Variants in KMT2A observed in about 807,000 individuals in gnomAD.
The protein encoded by KMT2A is histone-lysine N-methyltransferase 2A.
In KMT2A, 16 loss-of-function variants were observed where a neutral mutation model predicts 345.3. The ratio of observed to expected loss-of-function variants is 0.05; its 90% CI spans 0.03 to 0.07. The LOEUF is 0.07. Ranked by LOEUF, KMT2A falls within the 10% of genes least tolerant of loss-of-function variation. KMT2A has a pLI of 1.00. For synonymous variants in KMT2A, 1,599 were observed against 1,778.6 expected (o/e 0.90, Z 2.54); for missense variants, 3,272 against 4,841.6 (o/e 0.68, Z 9.62).
At position 118,525,459 on chromosome 11, in the gene KMT2A, A is replaced by G. The variant is rs1473118142; in HGVS notation, c.*3287A>G. On this transcript the variant is annotated 3_prime_UTR_variant, in exon 36 of 36. Transcript: ENST00000534358. ...ACAGCCCCTCTGTTTTTACACCAAT[A>G]ACAAGAATTAAGGGGGAAGCCCTGG... 8.8e-6 allele frequency: 2 copies of G among 227,498 alleles called. No homozygotes were observed. Among genetic ancestry groups the G allele is most frequent in the African/African-American group, 4.5e-5 (2 of 44,936 alleles). 14.1% of individuals were successfully genotyped at this position (227,498 alleles called of 1,614,324 possible).
rs782424796 is a variant in KMT2A, at chr11:118,501,819, C to A, written c.6467C>A (p.Thr2156Lys). Residue 2156 changes from threonine (T) to lysine (K), a missense_variant, in exon 26 of 36, where the codon ACA (threonine) becomes AAA (lysine). By Grantham distance (78) the Thr-to-Lys change is moderately conservative. Around this residue, in one of 27 missense-constraint regions of KMT2A, gnomAD observed 66 missense variants for 73.9 expected, o/e 0.89. Transcript: ENST00000534358. ...PRIRTPSYSP[T>K]QRSPGCRPLP... The stretch of plus-strand genomic sequence containing the variant: ...ATTCGAACACCCAGTTATTCTCCAA[C>A]ACAGAGATCCCCTGGCTGTCGACCG... 6.2e-7 allele frequency: 1 copy of A among 1,613,986 alleles called. No homozygotes were observed. The highest frequency in any genetic ancestry group is 1.1e-5 in the South Asian group (1 of 91,022).
chr11:118,455,081 G>A (rs782394137), intron 1 of KMT2A, among the ~76,000 whole-genome samples: 10 of 152,084 alleles, frequency 6.6e-5, no homozygotes, highest in Non-Finnish European at 1.2e-4. Context: ...AGGTTGGAGC[G>A]CAGTGGCTCA....
rs1555044460 is a variant in KMT2A at position 118,497,903 on chromosome 11, C to T, written c.5665-33C>T. ...GGAAAACCTCCTTTGGCATTATATT[C>T]TTTAGGAAAAAAGAAATCTCTTTAT... On this transcript the variant is annotated intron_variant, in intron 20 of 35. Coordinates refer to ENST00000534358, the MANE Select transcript of KMT2A (RefSeq NM_001197104.2). The surrounding 1 kb of genome is among the most constrained non-coding windows in gnomAD (Gnocchi z 4.8). 6.3e-7 allele frequency: 1 copy of T among 1,574,836 alleles called. No homozygotes were observed. The highest frequency in any genetic ancestry group is 1.1e-5 in the South Asian group (1 of 89,404).
intron 31 of KMT2A, among the ~76,000 whole-genome samples, chr11:118,517,730 T>C (rs1256516088): frequency 6.6e-6 from 1 of 151,996 alleles, no homozygotes; most frequent in East Asian, 2.0e-4. Flanking sequence ...TAGTCCCAGC[T>C]ACCTGGGAGG....
At chr11:118,477,441 T>C (rs1290003226) in intron 4 of KMT2A, among the ~76,000 whole-genome samples, 2 of 151,674 alleles carry the variant, frequency 1.3e-5, no homozygotes, top group Non-Finnish European at 2.9e-5. Context: ...CGATTTTAGA[T>C]TAGACTTTTG....
Position 118,523,650 on chromosome 11 carries a change from G to A in KMT2A, c.*1478G>A, listed in dbSNP as rs535515166. Reference sequence around the variant, plus strand: ...TGACAAGGCTATTTTTTAAACCGCGGTATTATCCTAATTTAAAAGAAGATC... The same window carrying A: ...TGACAAGGCTATTTTTTAAACCGCGATATTATCCTAATTTAAAAGAAGATC... On this transcript the variant is annotated 3_prime_UTR_variant, in exon 36 of 36. Transcript: ENST00000534358. 8.8e-6 allele frequency: 2 copies of A among 228,002 alleles called. No homozygotes were observed. Among genetic ancestry groups the A allele is most frequent in the Non-Finnish European group, 1.7e-5 (2 of 114,626 alleles). The allele number at this position is 228,002 out of a possible 1,614,324, so 14.1% of individuals were successfully genotyped here. A position where few individuals can be genotyped will look rare whatever the true frequency, so the allele number is the denominator to read the frequency against.
At chr11:118,470,349 G>A (rs1442368890) in intron 2 of KMT2A, among the ~76,000 whole-genome samples, 1 of 152,064 alleles carries the variant, frequency 6.6e-6, no homozygotes, top group African/African-American at 2.4e-5. Context: ...CTGTCACCCA[G>A]GCTCTGGGCA....
intron 7 of KMT2A, 46 bp downstream of exon 7, chr11:118,482,138 C>A (rs1555039501): frequency 6.5e-7 from 1 of 1,540,072 alleles, no homozygotes; most frequent in Non-Finnish European, 8.7e-7. Flanking sequence ...CAAGTACTAA[C>A]AAAAAAGCAC....
At chr11:118,454,001 A>G (rs111782402) in intron 1 of KMT2A, among the ~76,000 whole-genome samples, 6 of 152,132 alleles carry the variant, frequency 3.9e-5, no homozygotes, top group African/African-American at 7.2e-5. Flanking sequence ...CACATCTCAC[A>G]TCTATCCCAT....
chr11:118,502,252 C>CA lies in KMT2A; in HGVS notation c.6506-140dup, dbSNP rs375370470. On this transcript the variant is annotated intron_variant, in intron 26 of 35. Coordinates refer to ENST00000534358, the MANE Select transcript of KMT2A (RefSeq NM_001197104.2). The surrounding 1 kb of genome is among the most constrained non-coding windows in gnomAD (Gnocchi z 4.9). ...TGGGTGACAGAGTGAGACACTGTCT[C>CA]AAAAAAGTAATAATAAATAAATAGA... The CA allele has an allele frequency of 1.3e-5, 7 of 545,274 alleles. No homozygotes were observed. The highest frequency in any genetic ancestry group is 5.9e-5 in the African/African-American group (3 of 51,138). 33.8% of individuals were successfully genotyped at this position (545,274 alleles called of 1,614,324 possible).
chr11:118,488,868 T>C, intron 11 of KMT2A, 108 bp downstream of exon 11: 1 of 935,974 alleles, frequency 1.1e-6, no homozygotes, highest in Non-Finnish European at 1.6e-6. Context: ...AAATGAGTAG[T>C]TGCCTCTGTA....
intron 1 of KMT2A, among the ~76,000 whole-genome samples, chr11:118,464,409 C>T (rs782718622): frequency 5.3e-5 from 8 of 152,108 alleles, no homozygotes; most frequent in Admixed American, 2.0e-4. Context: ...GTAGTGCATG[C>T]CTGTAGTCCC....
intron 31 of KMT2A, 130 bp downstream of exon 31, chr11:118,512,155 TCATATAC>T: frequency 1.4e-6 from 1 of 701,160 alleles, no homozygotes; most frequent in Non-Finnish European, 2.5e-6. Flanking sequence ...GAGATTTAAT[TCATATAC>T]CATACAGTTC....
chr11:118,501,596 C>T, intron 25 of KMT2A, 76 bp from the exon 26 acceptor site: 1 of 1,273,850 alleles, frequency 7.9e-7, no homozygotes, highest in Non-Finnish European at 1.1e-6. Context: ...TACCTGATAG[C>T]TGACTTTTTA....
At chr11:118,499,613 TG>T (rs1206989838) in intron 23 of KMT2A, among the ~76,000 whole-genome samples, 193 bp downstream of exon 23, 1 of 146,902 alleles carries the variant, frequency 6.8e-6, no homozygotes, top group African/African-American at 2.7e-5. Flanking sequence ...GGTGAAACCC[TG>T]TCTCTACTAA....
chr11:118,489,767 T>G, intron 11 of KMT2A, 25 bp from the exon 12 acceptor site: 2 of 1,600,100 alleles, frequency 1.2e-6, no homozygotes, highest in South Asian at 1.1e-5. Flanking sequence ...GATGCTTATC[T>G]TTTTGCCATT....
Position 118,506,435 on chromosome 11 carries a change from C to T in KMT2A, c.10543C>T (p.Pro3515Ser). ...AGCTGTGCAAGCCAGCCCCACCTCTCCTGGGGGTTCTCCATCCTCTCCATC... is the reference window on the plus strand; with the variant it reads ...AGCTGTGCAAGCCAGCCCCACCTCTTCTGGGGGTTCTCCATCCTCTCCATC... ...SSAVQASPTS[P>S]GGSPSSPSSG... Residue 3515 changes from proline (P) to serine (S), a missense_variant, in exon 27 of 36, where the codon CCT becomes TCT. Coordinates refer to ENST00000534358, the MANE Select transcript of KMT2A (RefSeq NM_001197104.2). 2 of 1,614,212 alleles carry T rather than the reference C, an allele frequency of 1.2e-6. No homozygotes were observed. The highest frequency in any genetic ancestry group is 1.7e-6 in the Non-Finnish European group (2 of 1,180,030).
At chr11:118,463,024 A>G (rs1226098220) in intron 1 of KMT2A, among the ~76,000 whole-genome samples, 2 of 152,192 alleles carry the variant, frequency 1.3e-5, no homozygotes, top group African/African-American at 2.4e-5. Flanking sequence ...TGCAGTTAGG[A>G]TTATATAGTT....
Position 118,507,567 on chromosome 11 carries a change from G to T in KMT2A, c.10793G>T (p.Ser3598Ile), listed in dbSNP as rs1298363330. ...GAGGCTGAGCAGCAGGATACAGCTA[G>T]CGTGGAGCAGTCCTCCCAGAAGGAG... ...GAEAEQQDTASVEQSSQKECG... is the reference protein window; with the variant it reads ...GAEAEQQDTAIVEQSSQKECG... The change falls in exon 28 of 36, where the codon AGC (serine) becomes ATC (isoleucine). Residue 3598 changes from serine (S) to isoleucine (I), a missense_variant. Around this residue, in one of 27 missense-constraint regions of KMT2A, gnomAD observed 748 missense variants for 922.2 expected, o/e 0.81. Coordinates refer to ENST00000534358, the MANE Select transcript of KMT2A (RefSeq NM_001197104.2). 1.2e-6 allele frequency: 2 copies of T among 1,614,090 alleles called. No homozygotes were observed. The highest frequency in any genetic ancestry group is 1.7e-6 in the Non-Finnish European group (2 of 1,180,030).
Sources: allele counts gnomAD v4.1 joint callset (sites outside exome capture counted in the v4.1 genomes callset), GRCh38; gene constraint gnomAD v4.1.1; regional missense constraint gnomAD v4.1.1; non-coding constraint Gnocchi (gnomAD v3.1); transcripts MANE v1.5; gene names NCBI Gene and HGNC (gene_info 2026-07-23, HGNC 2026-07-21).